Variants in PHLPP1 observed in about 807,000 individuals in gnomAD.
PHLPP1 encodes PH domain leucine-rich repeat-containing protein phosphatase 1.
In PHLPP1, 42 loss-of-function variants were observed where a neutral mutation model predicts 117.2. The ratio of observed to expected loss-of-function variants is 0.36; its 90% CI spans 0.28 to 0.46. The LOEUF (loss-of-function observed/expected upper bound fraction) is 0.46. Among genes scored for constraint, PHLPP1 ranks in the 20% least tolerant of loss-of-function variants. The pLI, the probability that PHLPP1 is intolerant of heterozygous loss-of-function variation, is 1.00. For synonymous variants in PHLPP1, 1,042 were observed against 970.7 expected, an observed-to-expected ratio of 1.07 and a Z score of -1.37; for missense variants, 2,084 against 2,241.9, an observed-to-expected ratio of 0.93 and a Z score of 1.42.
Position 62,715,560 on chromosome 18 carries a change from C to A in PHLPP1, c.-124C>A. ...TCGCCACATAATCCCCTGGAACGGC[C>A]GCGCACAACGCCATTGGCTTCTCCC... is the stretch of plus-strand genomic sequence containing the variant. On this transcript the variant is annotated 5_prime_UTR_variant, in exon 1 of 17. Coordinates refer to ENST00000262719, the MANE Select transcript of PHLPP1 (RefSeq NM_194449.4). 4.0e-6 allele frequency: 2 copies of A among 498,906 alleles called. No homozygotes were observed. The highest frequency in any genetic ancestry group is 3.1e-6 in the Non-Finnish European group (1 of 317,854). 30.9% of individuals were successfully genotyped at this position (498,906 alleles called of 1,614,324 possible). A position where few individuals can be genotyped will look rare whatever the true frequency, so the allele number is the denominator to read the frequency against.
At chr18:62,936,422 T>G (rs34948147) in intron 10 of PHLPP1, among the ~76,000 whole-genome samples, 15,541 of 152,166 alleles carry the variant, frequency 0.1, 911 homozygotes, top group African/African-American at 0.14. Context: ...CAGAAATGAT[T>G]GTTACAAGCA....
At chr18:62,780,610 T>C (rs1436617105) in intron 1 of PHLPP1, among the ~76,000 whole-genome samples, 1 of 152,238 alleles carries the variant, frequency 6.6e-6, no homozygotes, top group Non-Finnish European at 1.5e-5. Flanking sequence ...TAGGATTTGT[T>C]AAAACATGGA....
intron 8 of PHLPP1, among the ~76,000 whole-genome samples, chr18:62,913,780 GT>G (rs1168939492): frequency 2.1e-5 from 2 of 93,998 alleles, no homozygotes; most frequent in African/African-American, 8.5e-5. Context: ...TTTCGCTCTT[GT>G]TGCCCAGTCT....
intron 3 of PHLPP1, 94 bp downstream of exon 3, chr18:62,839,003 A>G (rs773830636): frequency 1.2e-4 from 161 of 1,350,804 alleles, no homozygotes; most frequent in Non-Finnish European, 1.6e-4. Flanking sequence ...GGTTAGTTAC[A>G]CACACTTTTT....
intron 10 of PHLPP1, among the ~76,000 whole-genome samples, chr18:62,941,468 C>CTT (rs150246523): frequency 0.033 from 5,062 of 152,278 alleles, 114 homozygotes; most frequent in Middle Eastern, 0.082. Flanking sequence ...ATTGCTTCCC[C>CTT]TTACCTTTGT....
intron 1 of PHLPP1, among the ~76,000 whole-genome samples, chr18:62,789,009 C>T (rs1409124692): frequency 1.3e-5 from 2 of 152,076 alleles, no homozygotes; most frequent in Non-Finnish European, 2.9e-5. Context: ...CCATTCCCAT[C>T]GCTGAGTTCT....
intron 4 of PHLPP1, among the ~76,000 whole-genome samples, chr18:62,888,115 T>C (rs1016215800): frequency 4.6e-5 from 7 of 152,210 alleles, no homozygotes; most frequent in African/African-American, 1.7e-4. Flanking sequence ...CCACTGTAGT[T>C]AGTACAATCA....
At chr18:62,742,799 C>T (rs1161866331) in intron 1 of PHLPP1, among the ~76,000 whole-genome samples, 2 of 152,050 alleles carry the variant, frequency 1.3e-5, no homozygotes, top group African/African-American at 4.8e-5. Flanking sequence ...CACTCATTTT[C>T]CTTTTCTTAG....
intron 4 of PHLPP1, among the ~76,000 whole-genome samples, chr18:62,878,519 C>T (rs1248797226): frequency 6.6e-6 from 1 of 152,176 alleles, no homozygotes; most frequent in African/African-American, 2.4e-5. Context: ...ACTCACCATG[C>T]TCTAAACTAA....
At chr18:62,898,339 T>C (rs1278178972) in intron 6 of PHLPP1, among the ~76,000 whole-genome samples, 5 of 152,224 alleles carry the variant, frequency 3.3e-5, no homozygotes, top group Non-Finnish European at 5.9e-5. Context: ...CAACACCACC[T>C]CATTGGTTTT....
At chr18:62,741,884 C>G (rs12959636) in intron 1 of PHLPP1, among the ~76,000 whole-genome samples, 7,050 of 151,698 alleles carry the variant, frequency 0.046, 181 homozygotes, top group Middle Eastern at 0.061. Flanking sequence ...ATATAGTGTA[C>G]TGATTGAGAA....
At chr18:62,893,976 G>A (rs896927778) in intron 4 of PHLPP1, among the ~76,000 whole-genome samples, 1 of 152,150 alleles carries the variant, frequency 6.6e-6, no homozygotes, top group Non-Finnish European at 1.5e-5. Context: ...ATAGGACTGA[G>A]ATAATTGCTC....
At chr18:62,785,694 G>A (rs914510154) in intron 1 of PHLPP1, among the ~76,000 whole-genome samples, 1 of 152,164 alleles carries the variant, frequency 6.6e-6, no homozygotes, top group African/African-American at 2.4e-5. Flanking sequence ...CAAAATTTTG[G>A]CATTGTTCTT....
intron 12 of PHLPP1, among the ~76,000 whole-genome samples, chr18:62,956,251 A>T (rs1002389353): frequency 6.6e-6 from 1 of 152,192 alleles, no homozygotes; most frequent in African/African-American, 2.4e-5. Context: ...AGATGAAGGT[A>T]CCAGCAGATT....
intron 14 of PHLPP1, among the ~76,000 whole-genome samples, chr18:62,971,418 TG>T: frequency 6.6e-6 from 1 of 151,962 alleles, no homozygotes; most frequent in African/African-American, 2.4e-5. Flanking sequence ...GGACAGTTTC[TG>T]GGACACAGTT....
chr18:62,833,381 A>G (rs1304721508), intron 2 of PHLPP1, among the ~76,000 whole-genome samples: 2 of 152,186 alleles, frequency 1.3e-5, no homozygotes, highest in African/African-American at 4.8e-5. Flanking sequence ...GCCAGATAAT[A>G]CTGTATTTTA....
chr18:62,810,757 C>T (rs1001547138), intron 1 of PHLPP1, among the ~76,000 whole-genome samples: 8 of 152,040 alleles, frequency 5.3e-5, no homozygotes, highest in African/African-American at 1.7e-4. Context: ...ATTGAAAATA[C>T]GTTAAAGCAA....
intron 8 of PHLPP1, among the ~76,000 whole-genome samples, chr18:62,913,691 C>A (rs1353923167): frequency 6.8e-6 from 1 of 147,282 alleles, no homozygotes; most frequent in Non-Finnish European, 1.5e-5. Flanking sequence ...AAGTAATGAT[C>A]AATTCATTTA....
intron 1 of PHLPP1, among the ~76,000 whole-genome samples, chr18:62,820,797 T>G (rs1914429603): frequency 1.3e-5 from 2 of 152,224 alleles, no homozygotes; most frequent in African/African-American, 4.8e-5. Context: ...TTAACCAAGA[T>G]AGACTGTATT....
Sources: gnomAD v4.1 joint callset for allele counts (sites outside exome capture counted in the v4.1 genomes callset) on GRCh38, gnomAD v4.1.1 for gene constraint, MANE v1.5 for transcripts, NCBI Gene and HGNC (gene_info 2026-07-23, HGNC 2026-07-21) for gene names.